Variants in PPP1R42 observed in about 807,000 individuals in gnomAD.
The protein encoded by PPP1R42 is leucine rich repeat containing 67.
PPP1R42 carries 34 observed loss-of-function variants against 31.0 expected under a neutral mutation model. That is an observed-to-expected ratio of 1.10 (90% CI 0.83 to 1.46). The LOEUF (loss-of-function observed/expected upper bound fraction) is 1.46. Among genes scored for constraint, PPP1R42 ranks in the 40% most tolerant of loss-of-function variants. PPP1R42 has a pLI of 0.00. For missense variants in PPP1R42, 268 were observed against 303.0 expected, an observed-to-expected ratio of 0.88 and a Z score of 0.86; for synonymous variants, 103 against 109.8, an observed-to-expected ratio of 0.94 and a Z score of 0.39.
At chr8:67,018,553 G>A (rs904295031) in intron 1 of PPP1R42, among the ~76,000 whole-genome samples, 24 of 139,850 alleles carry the variant, frequency 1.7e-4, no homozygotes, top group African/African-American at 6.4e-4. Flanking sequence ...TCGCTCTGTC[G>A]CCAGGCTGGA....
At chr8:67,022,018 G>A (rs1384471447) in intron 1 of PPP1R42, among the ~76,000 whole-genome samples, 5 of 151,922 alleles carry the variant, frequency 3.3e-5, no homozygotes, top group African/African-American at 9.7e-5. Context: ...TTTAGCACAT[G>A]TGCAAGAGCT....
intron 6 of PPP1R42, chr8:66,985,938 T>C (rs1814996375): frequency 1.3e-6 from 1 of 790,602 alleles, no homozygotes; most frequent in East Asian, 2.5e-5. Flanking sequence ...TCAAGAGTCA[T>C]CACCAAACAC....
intron 6 of PPP1R42, 146 bp from the exon 7 acceptor site, chr8:66,982,326 G>A (rs1019143480): frequency 1.2e-5 from 5 of 404,698 alleles, no homozygotes; most frequent in East Asian, 3.7e-5. Flanking sequence ...ATTATACAAC[G>A]CATGTACTTT....
At chr8:66,984,576 T>C in intron 6 of PPP1R42, 1 of 1,212,936 alleles carries the variant, frequency 8.2e-7, no homozygotes, top group Non-Finnish European at 1.2e-6. Context: ...GCTGGGGTGC[T>C]CAAATTTCTA....
chr8:66,986,746 C>T (rs1326438523), intron 6 of PPP1R42, among the ~76,000 whole-genome samples: 1 of 152,230 alleles, frequency 6.6e-6, no homozygotes, highest in Non-Finnish European at 1.5e-5. Flanking sequence ...AAGTAAACTG[C>T]TAGAACGAAG....
intron 5 of PPP1R42, among the ~76,000 whole-genome samples, chr8:67,002,515 T>C (rs1563425465): frequency 6.6e-6 from 1 of 152,190 alleles, no homozygotes; most frequent in African/African-American, 2.4e-5. Context: ...ATATTCTTAT[T>C]ATCATTGGTT....
At chr8:66,975,643 C>CA (rs1039315084) in intron 7 of PPP1R42, among the ~76,000 whole-genome samples, 6 of 151,158 alleles carry the variant, frequency 4.0e-5, no homozygotes, top group African/African-American at 1.2e-4. Context: ...GATACTCTAT[C>CA]AAAAAAAAGA....
rs1453075454 is a variant in PPP1R42 at position 67,024,962 on chromosome 8, TA to T, written c.-85+3528del. 7.6e-5 allele frequency among the ~76,000 whole-genome samples: 11 copies of T among 145,138 alleles called. No homozygotes were observed. The East Asian group carries it at 2.3e-3, about 30-fold the overall frequency. Reference sequence around the variant, plus strand: ...TTTTTTTTTTTTTTTTTGGTACAGATAGGGGTTCACTCTTGCCCAGGCTGGA... The same window carrying T: ...TTTTTTTTTTTTTTTTTGGTACAGATGGGGTTCACTCTTGCCCAGGCTGGA... On this transcript the variant is annotated intron_variant, in intron 1 of 7. Coordinates refer to ENST00000685739, the MANE Select transcript of PPP1R42 (RefSeq NM_001364910.1).
At chr8:66,993,453 T>G (rs1269430449) in intron 5 of PPP1R42, among the ~76,000 whole-genome samples, 1 of 152,202 alleles carries the variant, frequency 6.6e-6, no homozygotes, top group Non-Finnish European at 1.5e-5. Context: ...TGTTCCACCT[T>G]CACTATCTCA....
At chr8:66,975,083 G>A (rs184354083) in intron 7 of PPP1R42, among the ~76,000 whole-genome samples, 172 of 152,164 alleles carry the variant, frequency 1.1e-3, no homozygotes, top group African/African-American at 3.9e-3. Flanking sequence ...TTGGTCTTAC[G>A]GATATTTTAC....
chr8:67,018,954 C>T (rs1282350792), intron 1 of PPP1R42, among the ~76,000 whole-genome samples: 8 of 151,340 alleles, frequency 5.3e-5, no homozygotes, highest in Non-Finnish European at 8.8e-5. Flanking sequence ...CTCAGCCTCC[C>T]AAGTAGCTGG....
intron 7 of PPP1R42, among the ~76,000 whole-genome samples, chr8:66,970,279 C>T (rs1814502963): frequency 6.6e-6 from 1 of 151,966 alleles, no homozygotes. Context: ...TATAGGCACG[C>T]ACCACCATGT....
At chr8:66,972,569 T>C (rs1814565896) in intron 7 of PPP1R42, among the ~76,000 whole-genome samples, 1 of 152,094 alleles carries the variant, frequency 6.6e-6, no homozygotes, top group African/African-American at 2.4e-5. Context: ...TTTGTACTAT[T>C]AGTAGAGGCG....
chr8:66,967,690 T>A (rs1014246063), intron 7 of PPP1R42, among the ~76,000 whole-genome samples: 6 of 152,222 alleles, frequency 3.9e-5, no homozygotes, highest in African/African-American at 1.4e-4. Flanking sequence ...AATAGCTAAA[T>A]AATATACAGT....
At chr8:66,998,303 C>T (rs982346642) in intron 5 of PPP1R42, among the ~76,000 whole-genome samples, 5 of 152,112 alleles carry the variant, frequency 3.3e-5, no homozygotes, top group Non-Finnish European at 7.4e-5. Flanking sequence ...TTTTATATAT[C>T]TGATGAAGTT....
At chr8:67,026,485 A>G (rs1483647681) in intron 1 of PPP1R42, among the ~76,000 whole-genome samples, 2 of 152,178 alleles carry the variant, frequency 1.3e-5, no homozygotes, top group African/African-American at 4.8e-5. Flanking sequence ...GGTAAGAATG[A>G]TACTTTCTAG....
At chr8:66,977,606 A>G (rs540097053) in intron 7 of PPP1R42, among the ~76,000 whole-genome samples, 3 of 152,058 alleles carry the variant, frequency 2.0e-5, no homozygotes, top group Non-Finnish European at 2.9e-5. Context: ...TCCAGGTTCA[A>G]TCGATTCTCC....
chr8:66,988,976 A>C (rs1446818559), intron 5 of PPP1R42, among the ~76,000 whole-genome samples: 1 of 152,138 alleles, frequency 6.6e-6, no homozygotes, highest in Non-Finnish European at 1.5e-5. Flanking sequence ...AGACCAAAAA[A>C]CAAACACCTA....
chr8:66,989,060 C>T (rs932489138), intron 5 of PPP1R42, among the ~76,000 whole-genome samples: 2 of 152,166 alleles, frequency 1.3e-5, no homozygotes, highest in Non-Finnish European at 2.9e-5. Flanking sequence ...TTTTAATATG[C>T]TGTTATGTAT....
Sources: allele counts gnomAD v4.1 joint callset (sites outside exome capture counted in the v4.1 genomes callset), GRCh38; gene constraint gnomAD v4.1.1; transcripts MANE v1.5; gene names NCBI Gene and HGNC (gene_info 2026-07-23, HGNC 2026-07-21).